Variants in MARCHF6 observed in about 807,000 individuals in gnomAD.
The protein encoded by MARCHF6 is membrane associated ring-CH-type finger 6.
In MARCHF6, 31 loss-of-function variants were observed where a neutral mutation model predicts 133.7. That is an observed-to-expected ratio of 0.23 (90% CI 0.17 to 0.31). MARCHF6 has a LOEUF of 0.31. Ranked by LOEUF, MARCHF6 falls within the 10% of genes least tolerant of loss-of-function variation. The pLI, the probability that MARCHF6 is intolerant of heterozygous loss-of-function variation, is 1.00. For synonymous variants in MARCHF6, 395 were observed against 402.5 expected, an observed-to-expected ratio of 0.98 and a Z score of 0.22; for missense variants, 723 against 1,121.6, an observed-to-expected ratio of 0.64 and a Z score of 5.08.
chr5:10,411,669 T>G (rs1739240366), intron 19 of MARCHF6, 132 bp downstream of exon 19: 1 of 593,898 alleles, frequency 1.7e-6, no homozygotes, highest in Non-Finnish European at 2.8e-6. Context: ...ATTACCCTCA[T>G]TATGTAACGT....
rs755166264 is a variant in MARCHF6 at position 10,402,515 on chromosome 5, C to T, written c.1123-18C>T. 6.2e-7 allele frequency: 1 copy of T among 1,612,842 alleles called. No individual in the cohort carries two copies. Among genetic ancestry groups the T allele is most frequent in the Non-Finnish European group, 8.5e-7 (1 of 1,179,068 alleles). On this transcript the variant is annotated intron_variant, in intron 13 of 25. Coordinates refer to ENST00000274140, the MANE Select transcript of MARCHF6 (RefSeq NM_005885.4). ...TCCTACATTTGGGTGATACTGATGA[C>T]CTTTATTTTCACTTAAGGTCTCTTT... is the stretch of plus-strand genomic sequence containing the variant.
intron 16 of MARCHF6, 91 bp from the exon 17 acceptor site, chr5:10,407,010 TG>T: frequency 1.5e-6 from 1 of 655,466 alleles, no homozygotes; most frequent in South Asian, 2.1e-5. Flanking sequence ...AGGCCTGGAC[TG>T]CATATTGCTT....
At chr5:10,424,825 TA>T (rs1316662155) in intron 23 of MARCHF6, among the ~76,000 whole-genome samples, 2 of 152,206 alleles carry the variant, frequency 1.3e-5, no homozygotes, top group African/African-American at 4.8e-5. Flanking sequence ...CTAAGACTAT[TA>T]TTGTATTACA....
In MARCHF6 at chr5:10,379,065, G is replaced by GT. The variant is rs201060722; in HGVS notation, c.190+242dup. Reference sequence around the variant, plus strand: ...CACACATGTTTGAGATTTGTGGGGTGTTTTTTTTTGTCTTTAAAATTTATT... The same window carrying GT: ...CACACATGTTTGAGATTTGTGGGGTGTTTTTTTTTTGTCTTTAAAATTTATT... On this transcript the variant is annotated intron_variant, in intron 3 of 25. Transcript: ENST00000274140. 7.1e-3 allele frequency among the ~76,000 whole-genome samples: 522 copies of GT among 73,058 alleles called. 1 individual carries two copies. The highest frequency in any genetic ancestry group is 0.026 in the Middle Eastern group (4 of 152). 47.9% of individuals were successfully genotyped at this position (73,058 alleles called of 152,430 possible). A position where few individuals can be genotyped will look rare whatever the true frequency, so the allele number is the denominator to read the frequency against.
chr5:10,376,778 C>A (rs1234730766), intron 1 of MARCHF6, among the ~76,000 whole-genome samples: 1 of 152,144 alleles, frequency 6.6e-6, no homozygotes, highest in Non-Finnish European at 1.5e-5. Flanking sequence ...ACACTGCTCT[C>A]GGCATGTGCT....
In MARCHF6 at chr5:10,439,349, GACA is replaced by G. The variant is rs1740769317; in HGVS notation, c.*5670_*5672del. ...CCCCAAAACTGTATAATTTCTAGAA[GACA>G]ACAAGGAAAACGTGTTCAGCCTTGG... On this transcript the variant is annotated 3_prime_UTR_variant, in exon 26 of 26. Coordinates refer to ENST00000274140, the MANE Select transcript of MARCHF6 (RefSeq NM_005885.4). 1 of 152,156 alleles carries G rather than the reference GACA, an allele frequency of 6.6e-6. No homozygotes were observed. The highest frequency in any genetic ancestry group is 1.5e-5 in the Non-Finnish European group (1 of 68,024). The allele number at this position is 152,156 out of a possible 1,614,324, so 9.4% of individuals were successfully genotyped here.
At chr5:10,354,521 C>G (rs1011937450) in intron 1 of MARCHF6, 8 of 152,142 alleles carry the variant, frequency 5.3e-5, no homozygotes, top group Admixed American at 2.0e-4. Context: ...ATCCTTGACA[C>G]CTATAAGCAG....
intron 15 of MARCHF6, among the ~76,000 whole-genome samples, chr5:10,403,815 C>T (rs886966524): frequency 2.0e-5 from 3 of 152,140 alleles, no homozygotes; most frequent in East Asian, 1.9e-4. Context: ...TTTTGTCACA[C>T]TTCGTATATA....
intron 9 of MARCHF6, 60 bp from the exon 10 acceptor site, chr5:10,397,233 C>A (rs1199339405): frequency 1.6e-6 from 2 of 1,223,824 alleles, no homozygotes; most frequent in Non-Finnish European, 2.3e-6. Context: ...GTGGAATAGT[C>A]CAATTAAACA....
chr5:10,403,845 C>G (rs1738703228), intron 15 of MARCHF6, among the ~76,000 whole-genome samples: 1 of 152,094 alleles, frequency 6.6e-6, no homozygotes, highest in South Asian at 2.1e-4. Context: ...TCCTCTAATA[C>G]AGACTCTTGG....
chr5:10,379,323 G>A (rs997631826), intron 3 of MARCHF6, among the ~76,000 whole-genome samples: 15 of 151,766 alleles, frequency 9.9e-5, no homozygotes, highest in African/African-American at 3.6e-4. Flanking sequence ...TTTCAAAAAC[G>A]TAACTATAAT....
At chr5:10,357,058 T>A (rs1735515883) in intron 1 of MARCHF6, among the ~76,000 whole-genome samples, 2 of 152,196 alleles carry the variant, frequency 1.3e-5, no homozygotes, top group South Asian at 4.1e-4. Flanking sequence ...AGATGTGTTA[T>A]GTCAACTGCT....
chr5:10,417,582 T>C, intron 22 of MARCHF6, 178 bp downstream of exon 22: 1 of 715,064 alleles, frequency 1.4e-6, no homozygotes, highest in Non-Finnish European at 2.3e-6. Flanking sequence ...CTAGTCTCTA[T>C]AAAAAATTGG....
intron 1 of MARCHF6, among the ~76,000 whole-genome samples, chr5:10,360,433 C>G (rs1202687375): frequency 6.6e-6 from 1 of 152,074 alleles, no homozygotes; most frequent in East Asian, 1.9e-4. Context: ...GCCACCGCGC[C>G]CGGCTGTATG....
chr5:10,402,703 T>A, intron 14 of MARCHF6, 96 bp downstream of exon 14: 5 of 1,060,810 alleles, frequency 4.7e-6, no homozygotes, highest in Non-Finnish European at 5.7e-6. Flanking sequence ...AAGCAAATAT[T>A]TGATAATTTG....
chr5:10,404,465 G>A (rs1370563440), intron 15 of MARCHF6, among the ~76,000 whole-genome samples: 1 of 152,152 alleles, frequency 6.6e-6, no homozygotes, highest in Non-Finnish European at 1.5e-5. Flanking sequence ...CTCAAGCTCA[G>A]TCATTCCCCA....
At chr5:10,423,696 AAAC>A in intron 22 of MARCHF6, 36 bp from the exon 23 acceptor site, 1 of 1,416,226 alleles carries the variant, frequency 7.1e-7, no homozygotes, top group Non-Finnish European at 9.9e-7. Context: ...TATTGTTAAA[AAAC>A]AACAGAAATA....
At chr5:10,423,635 T>C in intron 22 of MARCHF6, 100 bp from the exon 23 acceptor site, 1 of 670,892 alleles carries the variant, frequency 1.5e-6, no homozygotes, top group Non-Finnish European at 2.3e-6. Flanking sequence ...ATAGAACTTC[T>C]ATTTTGATGT....
At chr5:10,360,911 C>A (rs1325186863) in intron 1 of MARCHF6, among the ~76,000 whole-genome samples, 3 of 152,200 alleles carry the variant, frequency 2.0e-5, no homozygotes, top group African/African-American at 7.2e-5. Flanking sequence ...TGCCTACTTC[C>A]CATTTCTTCC....
Sources: allele counts gnomAD v4.1 joint callset (sites outside exome capture counted in the v4.1 genomes callset), GRCh38; gene constraint gnomAD v4.1.1; transcripts MANE v1.5; gene names NCBI Gene and HGNC (gene_info 2026-07-23, HGNC 2026-07-21).